The following GAS5 variants were observed in gnomAD, a reference collection of about 807,000 sequenced individuals.
The protein encoded by GAS5 is growth arrest specific 5.
upstream of GAS5, chr1:173,867,494 A>G (rs1180589100): frequency 6.5e-5 from 24 of 368,076 alleles, no homozygotes; most frequent in Admixed American, 7.7e-4. Context: ...CCTGGGTGAC[A>G]GAACGAGGCT....
At chr1:173,865,017 C>T (rs1174287795) in intron 6 of GAS5, 1 of 439,288 alleles carries the variant, frequency 2.3e-6, no homozygotes, top group African/African-American at 2.0e-5. Flanking sequence ...GTCAAGAGTT[C>T]GAGACCAGCC....
intron 5 of GAS5, chr1:173,865,809 C>T: frequency 3.9e-6 from 2 of 514,352 alleles, no homozygotes; most frequent in Admixed American, 2.0e-5. Flanking sequence ...AAGCATATCA[C>T]CATCAGCATT....
chr1:173,866,919 C>T, intron 1 of GAS5: 1 of 765,490 alleles, frequency 1.3e-6, no homozygotes, highest in Non-Finnish European at 2.4e-6. Context: ...CTGTCCACTA[C>T]TCTTAAAGCA....
chr1:173,866,572 G>C, intron 2 of GAS5: 1 of 757,946 alleles, frequency 1.3e-6, no homozygotes, highest in Non-Finnish European at 2.4e-6. Context: ...TAGGACCTGG[G>C]AAGAAACAAC....
upstream of GAS5, chr1:173,867,449 T>G (rs1572032033): frequency 2.8e-6 from 1 of 351,732 alleles, no homozygotes; most frequent in Non-Finnish European, 5.6e-6. Context: ...GACGCGGAGG[T>G]TGCCATTAAC....
chr1:173,864,872 G>A (rs761315182), intron 6 of GAS5: 5 of 519,164 alleles, frequency 9.6e-6, no homozygotes, highest in South Asian at 2.8e-5. Flanking sequence ...GCTCATCAGC[G>A]TTAGTCTGCT....
chr1:173,867,012 G>T, exon 1 of GAS5: 1 of 764,330 alleles, frequency 1.3e-6, no homozygotes, highest in South Asian at 1.3e-5. Flanking sequence ...GTGCTATCCA[G>T]AGCCACACTG....
At chr1:173,868,969 G>A (rs1655283694), upstream of GAS5, 1 of 152,676 alleles carries the variant, frequency 6.5e-6, no homozygotes, top group Admixed American at 6.5e-5. Context: ...CTTTCCTCCA[G>A]GGGCTTCCTC....
intron 6 of GAS5, chr1:173,865,186 C>T (rs1654372729): frequency 3.0e-6 from 1 of 328,344 alleles, no homozygotes; most frequent in Admixed American, 4.5e-5. Context: ...AAGAGCTAGA[C>T]TCTTGTCTAA....
intron 7 of GAS5, chr1:173,864,236 C>A (rs1246730584): frequency 7.8e-6 from 4 of 515,556 alleles, no homozygotes; most frequent in Non-Finnish European, 1.6e-5. Context: ...TTATAATAGT[C>A]CCAACATTTC....
At chr1:173,864,188 G>A (rs1557868301) in intron 7 of GAS5, 2 of 518,368 alleles carry the variant, frequency 3.9e-6, no homozygotes, top group African/African-American at 3.8e-5. Flanking sequence ...ATCAGTGAGA[G>A]AGTTCAAGTT....
chr1:173,867,896 T>C (rs1489141620), upstream of GAS5: 1 of 400,936 alleles, frequency 2.5e-6, no homozygotes, highest in East Asian at 7.1e-5. Context: ...CAATTCAGGG[T>C]GACCTTAGCA....
At chr1:173,867,848 G>A, upstream of GAS5, 1 of 482,404 alleles carries the variant, frequency 2.1e-6, no homozygotes, top group South Asian at 1.5e-5. Context: ...CAACTTGTAG[G>A]CCCTGCAAAG....
chr1:173,868,560 C>G (rs762175061), upstream of GAS5, among the ~76,000 whole-genome samples: 4 of 152,222 alleles, frequency 2.6e-5, no homozygotes, highest in Non-Finnish European at 5.9e-5. Context: ...CCTTCCACCC[C>G]CTTGGCCCCC....
At chr1:173,867,580 G>A (rs1654966225), upstream of GAS5, 9 of 508,772 alleles carry the variant, frequency 1.8e-5, no homozygotes, top group Non-Finnish European at 3.5e-5. Flanking sequence ...TAAGCACGTG[G>A]ACTACCACCG....
intron 6 of GAS5, chr1:173,864,847 G>A (rs747395568): frequency 1.2e-5 from 6 of 519,176 alleles, no homozygotes; most frequent in South Asian, 4.2e-5. Flanking sequence ...AGATAGGAGC[G>A]AAAGACTTAA....
chr1:173,863,993 G>A (rs936604775), intron 7 of GAS5: 4 of 335,082 alleles, frequency 1.2e-5, no homozygotes, highest in Non-Finnish European at 2.4e-5. Context: ...CCACTGGGAG[G>A]CTGAGGATCA....
At chr1:173,866,758 T>C in intron 2 of GAS5, 1 of 765,480 alleles carries the variant, frequency 1.3e-6, no homozygotes, top group East Asian at 2.4e-5. Flanking sequence ...ATTTTCAACT[T>C]ACTTCAGTAG....
At chr1:173,864,809 A>T in intron 6 of GAS5, 1 of 518,966 alleles carries the variant, frequency 1.9e-6, no homozygotes, top group Non-Finnish European at 3.8e-6. Context: ...TTCGGGGCAT[A>T]AACTAGAATG....
Sources: allele counts gnomAD v4.1 joint callset (sites outside exome capture counted in the v4.1 genomes callset), GRCh38; gene constraint gnomAD v4.1.1; transcripts MANE v1.5; gene names NCBI Gene and HGNC (gene_info 2026-07-23, HGNC 2026-07-21).